UXS1: variants seen among roughly 807,000 people sequenced by gnomAD.
UXS1 encodes the protein UDP-glucuronic acid decarboxylase 1.
In UXS1, 33 loss-of-function variants were observed where a neutral mutation model predicts 62.6. The ratio of observed to expected loss-of-function variants is 0.53; its 90% confidence interval spans 0.40 to 0.70. The LOEUF is 0.70. UXS1 is among the 30% of genes least tolerant of loss of function. The pLI is 0.00. For synonymous variants in UXS1, 213 were observed against 206.8 expected, an observed-to-expected ratio of 1.03 and a Z score of -0.26; for missense variants, 434 against 556.3, an observed-to-expected ratio of 0.78 and a Z score of 2.21.
At chr2:106,151,273 A>G (rs1253117663) in intron 5 of UXS1, among the ~76,000 whole-genome samples, 1 of 152,232 alleles carries the variant, frequency 6.6e-6, no homozygotes, top group Admixed American at 6.5e-5. Flanking sequence ...AGAAGGACAT[A>G]AATTCTAGAG....
chr2:106,193,519 C>T (rs1368654819), intron 1 of UXS1, among the ~76,000 whole-genome samples: 1 of 152,032 alleles, frequency 6.6e-6, no homozygotes, highest in African/African-American at 2.4e-5. Context: ...ACGCCCTGCC[C>T]GGCCACCCAG....
intron 7 of UXS1, among the ~76,000 whole-genome samples, chr2:106,127,087 A>AATT (rs1420635951): frequency 6.6e-6 from 1 of 152,130 alleles, no homozygotes; most frequent in Non-Finnish European, 1.5e-5. Flanking sequence ...TTCCTAATCT[A>AATT]TTGCTGTGTA....
chr2:106,122,920 T>A (rs1436011410), intron 9 of UXS1, 50 bp downstream of exon 9: 2 of 1,604,720 alleles, frequency 1.2e-6, no homozygotes, highest in Admixed American at 1.7e-5. Flanking sequence ...ACATCTGAGG[T>A]CAGGGTGCTC....
chr2:106,125,586 G>T, intron 8 of UXS1, 34 bp downstream of exon 8: 1 of 1,538,428 alleles, frequency 6.5e-7, no homozygotes. Flanking sequence ...CCAAGGGCTG[G>T]AGTGAACATC....
chr2:106,101,005 A>G, intron 12 of UXS1, 53 bp downstream of exon 12: 1 of 1,608,504 alleles, frequency 6.2e-7, no homozygotes, highest in Non-Finnish European at 8.5e-7. Flanking sequence ...ATGGTTTCAC[A>G]AATGAACGAA....
chr2:106,117,438 T>C (rs981021399), intron 9 of UXS1, among the ~76,000 whole-genome samples: 3 of 152,248 alleles, frequency 2.0e-5, no homozygotes, highest in Non-Finnish European at 4.4e-5. Context: ...CTGCTGATTT[T>C]GTTCTATGTC....
intron 7 of UXS1, among the ~76,000 whole-genome samples, chr2:106,128,992 G>A (rs1201555152): frequency 1.3e-5 from 2 of 152,076 alleles, no homozygotes; most frequent in Non-Finnish European, 2.9e-5. Context: ...AACCCCTGGA[G>A]TTTTTTGAAA....
rs1187284537 is a variant in UXS1 at position 106,181,773 on chromosome 2, T to A, written c.94+12375A>T. ...TACTAGTTAAGAAGAAAAAGTAAAT[T>A]CAGACTTCTCACCACGACTTTTAGG... On this transcript the variant is annotated intron_variant, in intron 1 of 14. Transcript: ENST00000283148. Among the ~76,000 whole-genome samples, 5 of 152,162 alleles carry A rather than the reference T, an allele frequency of 3.3e-5. No homozygotes were observed. The East Asian group carries it at 9.6e-4, about 29-fold the overall frequency.
chr2:106,122,742 G>A (rs1679621089), intron 9 of UXS1, among the ~76,000 whole-genome samples: 1 of 152,162 alleles, frequency 6.6e-6, no homozygotes, highest in Non-Finnish European at 1.5e-5. Context: ...CCATAAAATA[G>A]TATTCCAAAC....
intron 8 of UXS1, 135 bp from the exon 9 acceptor site, chr2:106,123,226 T>G: frequency 7.9e-7 from 1 of 1,263,262 alleles, no homozygotes; most frequent in Non-Finnish European, 1.1e-6. Context: ...AGAGGCAACC[T>G]CAGGTTTCCA....
chr2:106,125,756 A>G (rs1467212007), intron 7 of UXS1, 77 bp from the exon 8 acceptor site: 2 of 1,262,246 alleles, frequency 1.6e-6, no homozygotes, highest in Non-Finnish European at 2.2e-6. Flanking sequence ...AATTTAAGCA[A>G]TGTTTTAGTA....
intron 5 of UXS1, among the ~76,000 whole-genome samples, chr2:106,149,185 A>AG (rs899021318): frequency 5.3e-4 from 80 of 152,214 alleles, no homozygotes; most frequent in African/African-American, 1.8e-3. Context: ...ATGGCAGATG[A>AG]GGGGAAAAAA....
At chr2:106,193,089 A>G (rs1037907205) in intron 1 of UXS1, among the ~76,000 whole-genome samples, 1 of 152,066 alleles carries the variant, frequency 6.6e-6, no homozygotes, top group African/African-American at 2.4e-5. Context: ...GGGGTTTTCC[A>G]GCTCCACCTC....
chr2:106,093,934 T>C lies in UXS1; in HGVS notation c.*92A>G. The stretch of plus-strand genomic sequence containing the variant: ...TCCAGTTTGTTCTTCATGACACCTG[T>C]TAAAGTCTTTCTTTAAACGACAACA... On this transcript the variant is annotated 3_prime_UTR_variant, in exon 15 of 15. Coordinates refer to ENST00000283148, the MANE Select transcript of UXS1 (RefSeq NM_001253875.2). The C allele has an allele frequency of 9.7e-6, 14 of 1,447,600 alleles. No homozygotes were observed. Among genetic ancestry groups the C allele is most frequent in the Non-Finnish European group, 1.1e-5 (12 of 1,097,578 alleles). The allele number at this position is 1,447,600 out of a possible 1,614,324, so 89.7% of individuals were successfully genotyped here.
chr2:106,112,791 G>C (rs778376730), intron 9 of UXS1, 26 bp from the exon 10 acceptor site: 3 of 1,609,686 alleles, frequency 1.9e-6, no homozygotes, highest in Non-Finnish European at 2.5e-6. Flanking sequence ...GAGGAGGTCA[G>C]GTGTGCTCCC....
At position 106,120,292 on chromosome 2, in the gene UXS1, G is replaced by A. The variant is rs755150823; in HGVS notation, c.759+2678C>T. Among the ~76,000 whole-genome samples, 6 of 152,288 alleles carry A rather than the reference G, an allele frequency of 3.9e-5. No homozygotes were observed. The South Asian group carries it at 8.3e-4, about 21-fold the overall frequency. On this transcript the variant is annotated intron_variant, in intron 9 of 14. Coordinates refer to ENST00000283148, the MANE Select transcript of UXS1 (RefSeq NM_001253875.2). The stretch of plus-strand genomic sequence containing the variant: ...TCACAGGCTCACTGCTCTTAGTCAC[G>A]TCATTCCTTCCTCATCAGGAAACTA...
intron 1 of UXS1, among the ~76,000 whole-genome samples, chr2:106,167,211 G>A (rs772761283): frequency 9.9e-5 from 15 of 152,162 alleles, no homozygotes; most frequent in Non-Finnish European, 1.6e-4. Flanking sequence ...TTCTTTCTAC[G>A]GAAGCCTTTC....
chr2:106,093,928 C>T lies in UXS1; in HGVS notation c.*98G>A, dbSNP rs2104811944. 2 of 1,415,888 alleles carry T rather than the reference C, an allele frequency of 1.4e-6. No individual in the cohort carries two copies. Among genetic ancestry groups the T allele is most frequent in the South Asian group, 1.7e-5 (1 of 60,512 alleles). The allele number at this position is 1,415,888 out of a possible 1,614,324, so 87.7% of individuals were successfully genotyped here. On this transcript the variant is annotated 3_prime_UTR_variant, in exon 15 of 15. Coordinates refer to ENST00000283148, the MANE Select transcript of UXS1 (RefSeq NM_001253875.2). The stretch of plus-strand genomic sequence containing the variant: ...TGAAATTCCAGTTTGTTCTTCATGA[C>T]ACCTGTTAAAGTCTTTCTTTAAACG...
intron 10 of UXS1, 121 bp downstream of exon 10, chr2:106,112,525 G>C: frequency 1.4e-6 from 2 of 1,440,262 alleles, no homozygotes; most frequent in South Asian, 2.7e-5. Flanking sequence ...GAGGGTAGCG[G>C]GTATACATGG....
Sources: gnomAD v4.1 joint callset for allele counts (sites outside exome capture counted in the v4.1 genomes callset) on GRCh38, gnomAD v4.1.1 for gene constraint, MANE v1.5 for transcripts, NCBI Gene and HGNC (gene_info 2026-07-23, HGNC 2026-07-21) for gene names.